Variants in CNTNAP3B observed in about 807,000 individuals in gnomAD.
CNTNAP3B encodes contactin-associated protein-like 3B.
In CNTNAP3B, 25 loss-of-function variants were observed where a neutral mutation model predicts 108.9. The ratio of observed to expected loss-of-function variants is 0.23; its 90% CI spans 0.17 to 0.32. The LOEUF (loss-of-function observed/expected upper bound fraction) is 0.32, where lower values mean the gene tolerates loss of function less well. CNTNAP3B is among the 10% of genes least tolerant of loss of function. The pLI, the probability that CNTNAP3B is intolerant of heterozygous loss-of-function variation, is 1.00. For synonymous variants in CNTNAP3B, 103 were observed against 473.4 expected, an observed-to-expected ratio of 0.22 and a Z score of 10.16; for missense variants, 252 against 1,210.4, an observed-to-expected ratio of 0.21 and a Z score of 11.75.
chr9:41,966,769 C>T (rs954006260), intron 10 of CNTNAP3B, among the ~76,000 whole-genome samples: 1 of 151,826 alleles, frequency 6.6e-6, no homozygotes. Flanking sequence ...AGATCGAGAC[C>T]ATCCTGGCTA....
At chr9:42,001,702 T>A (rs1826009031) in intron 4 of CNTNAP3B, among the ~76,000 whole-genome samples, 1 of 107,502 alleles carries the variant, frequency 9.3e-6, no homozygotes, top group African/African-American at 3.6e-5. Context: ...AAACTTAGCT[T>A]GTGGTTTAAA....
At chr9:41,967,247 C>T (rs1444071340) in intron 10 of CNTNAP3B, among the ~76,000 whole-genome samples, 1 of 152,238 alleles carries the variant, frequency 6.6e-6, no homozygotes, top group Non-Finnish European at 1.5e-5. Context: ...GGGAGGGAAC[C>T]TGTGGGAGGT....
rs879480949 is a variant in CNTNAP3B at position 42,030,811 on chromosome 9, GAGGAGA to G, written c.391-17292_391-17287del. ...TGTGTGCGAGAGAGAGAGAGAGAGA[GAGGAGA>G]GAGAGAGAGAGAGAGAGAGAGAGAG... On this transcript the variant is annotated intron_variant, in intron 3 of 23. Transcript: ENST00000377561. Among the ~76,000 whole-genome samples the G allele has an allele frequency of 3.7e-3, 276 of 73,900 alleles. 19 individuals are homozygous for G. The highest frequency in any genetic ancestry group is 0.02 in the East Asian group (36 of 1,774). The allele number at this position is 73,900 out of a possible 152,430, so 48.5% of individuals were successfully genotyped here.
At chr9:42,035,568 T>C (rs1826607225) in intron 3 of CNTNAP3B, among the ~76,000 whole-genome samples, 1 of 147,732 alleles carries the variant, frequency 6.8e-6, no homozygotes, top group African/African-American at 2.5e-5. Flanking sequence ...ATTATGAAAA[T>C]AGTATATATT....
intron 14 of CNTNAP3B, among the ~76,000 whole-genome samples, chr9:41,934,908 A>G (rs1247201512): frequency 6.6e-6 from 1 of 152,288 alleles, no homozygotes; most frequent in African/African-American, 2.4e-5. Context: ...ACTTTTAAAG[A>G]CTCTAAGATA....
chr9:41,996,093 A>G, intron 7 of CNTNAP3B, 112 bp downstream of exon 7: 1 of 483,962 alleles, frequency 2.1e-6, no homozygotes, highest in Non-Finnish European at 3.6e-6. Flanking sequence ...CAGCTGTTAA[A>G]GTAAGAACTG....
chr9:41,926,106 A>T (rs1199501269), intron 15 of CNTNAP3B, among the ~76,000 whole-genome samples: 2,090 of 151,722 alleles, frequency 0.014, 8 homozygotes, highest in African/African-American at 0.048. Flanking sequence ...ATTAAAATCC[A>T]TGAGTTCATG....
At chr9:42,098,254 G>C (rs1165577031) in intron 2 of CNTNAP3B, among the ~76,000 whole-genome samples, 2 of 132,634 alleles carry the variant, frequency 1.5e-5, no homozygotes, top group Admixed American at 7.6e-5. Flanking sequence ...ACACTGGAAT[G>C]TATCCTCTGT....
chr9:42,115,288 C>T (rs546829730), intron 1 of CNTNAP3B, among the ~76,000 whole-genome samples: 1,637 of 134,190 alleles, frequency 0.012, 190 homozygotes, highest in Non-Finnish European at 0.019. Flanking sequence ...GGAACAGCTC[C>T]AGTCTACAGC....
At chr9:41,942,202 G>A (rs867633632) in intron 13 of CNTNAP3B, among the ~76,000 whole-genome samples, 1,453 of 151,964 alleles carry the variant, frequency 9.6e-3, no homozygotes, top group South Asian at 0.023. Context: ...CTGGCCGGGC[G>A]CGGTGGCTCA....
intron 2 of CNTNAP3B, among the ~76,000 whole-genome samples, chr9:42,103,197 T>C (rs1393368367): frequency 7.1e-6 from 1 of 140,178 alleles, no homozygotes; most frequent in Non-Finnish European, 1.5e-5. Flanking sequence ...CCACTGAGGC[T>C]CTGCAGCAAT....
At chr9:42,093,067 C>T (rs1827834449) in intron 2 of CNTNAP3B, among the ~76,000 whole-genome samples, 1 of 96,330 alleles carries the variant, frequency 1.0e-5, no homozygotes, top group Non-Finnish European at 2.2e-5. Flanking sequence ...CTACTAATTG[C>T]CGGGCGCGGT....
chr9:41,924,524 G>C (rs1258204436), intron 15 of CNTNAP3B, among the ~76,000 whole-genome samples: 1 of 152,282 alleles, frequency 6.6e-6, no homozygotes, highest in Non-Finnish European at 1.5e-5. Flanking sequence ...GGTTCGAGCA[G>C]CAGCTCAGTT....
At position 41,933,965 on chromosome 9, in the gene CNTNAP3B, G is replaced by A. The variant is rs1293812796; in HGVS notation, c.2237+4279C>T. Among the ~76,000 whole-genome samples, 9 of 145,516 alleles carry A rather than the reference G, an allele frequency of 6.2e-5. No homozygotes were observed. In the South Asian group the frequency reaches 1.1e-3, roughly 18 times the overall value. On this transcript the variant is annotated intron_variant, in intron 14 of 23. Coordinates refer to ENST00000377561, the MANE Select transcript of CNTNAP3B (RefSeq NM_001201380.3). ...AAGAAATAATTTTTCCTTGCTAAAC[G>A]ATATATGGCTGCTATATCAAGTTTG...
chr9:41,924,168 A>T (rs1823744178), intron 15 of CNTNAP3B, 75 bp from the exon 16 acceptor site: 1 of 1,604,746 alleles, frequency 6.2e-7, no homozygotes, highest in East Asian at 2.2e-5. Flanking sequence ...TGATACTTAC[A>T]GGATTATGAC....
In CNTNAP3B at chr9:42,003,100, G is replaced by A. The variant is rs534360131; in HGVS notation, c.539-4496C>T. On this transcript the variant is annotated intron_variant, in intron 4 of 23. Coordinates refer to ENST00000377561, the MANE Select transcript of CNTNAP3B (RefSeq NM_001201380.3). ...ATGGGGGTCTCACTATGATGCCAAG[G>A]CTGGTCTTGAATTCCTGGGCTCAAG... Among the ~76,000 whole-genome samples the A allele has an allele frequency of 8.5e-4, 116 of 136,856 alleles. 3 individuals carry two copies. Among genetic ancestry groups the A allele is most frequent in the Non-Finnish European group, 1.6e-3 (101 of 63,822 alleles). 89.8% of individuals were successfully genotyped at this position (136,856 alleles called of 152,430 possible). A position where few individuals can be genotyped will look rare whatever the true frequency, so the allele number is the denominator to read the frequency against.
chr9:42,065,267 ATGTT>A, intron 3 of CNTNAP3B, among the ~76,000 whole-genome samples: 1 of 52,820 alleles, frequency 1.9e-5, no homozygotes, highest in Non-Finnish European at 3.7e-5. Context: ...CTTTTGAGAA[ATGTT>A]TGTTCATATA....
chr9:42,067,981 T>G (rs1313755695), intron 3 of CNTNAP3B, among the ~76,000 whole-genome samples: 4 of 137,666 alleles, frequency 2.9e-5, no homozygotes, highest in Non-Finnish European at 6.2e-5. Context: ...TTGAGATAAT[T>G]TATCACTATA....
chr9:42,045,697 A>G (rs1349975094), intron 3 of CNTNAP3B, among the ~76,000 whole-genome samples: 4 of 150,008 alleles, frequency 2.7e-5, no homozygotes, highest in Non-Finnish European at 4.4e-5. Context: ...AAAATATGGT[A>G]TAATTTTTAA....
Sources: gnomAD v4.1 joint callset for allele counts (sites outside exome capture counted in the v4.1 genomes callset) on GRCh38, gnomAD v4.1.1 for gene constraint, MANE v1.5 for transcripts, NCBI Gene and HGNC (gene_info 2026-07-23, HGNC 2026-07-21) for gene names.